The following HYDIN variants were observed in gnomAD, a reference collection of about 807,000 sequenced individuals.
HYDIN encodes HYDIN axonemal central pair apparatus protein.
HYDIN carries 132 observed loss-of-function variants against 403.9 expected under a neutral mutation model. The observed-to-expected ratio is 0.33, with a 90% confidence interval of 0.28 to 0.38. The LOEUF is 0.38. Ranked by LOEUF, HYDIN falls within the 10% of genes least tolerant of loss-of-function variation. The probability of loss-of-function intolerance (pLI) is 1.00; values close to 1 mark genes in which losing one functional copy is unlikely to be tolerated. For synonymous variants in HYDIN, 1,202 were observed against 1,891.7 expected (o/e 0.64, Z 9.46); for missense variants, 2,827 against 5,009.5 (o/e 0.56, Z 13.15).
At chr16:70,823,744 G>A (rs541267556) in intron 83 of HYDIN, among the ~76,000 whole-genome samples, 3 of 151,598 alleles carry the variant, frequency 2.0e-5, no homozygotes, top group East Asian at 1.9e-4. Context: ...TGAAGGGAAC[G>A]CTCATGCTGT....
At chr16:71,170,603 T>A (rs186497115) in intron 5 of HYDIN, among the ~76,000 whole-genome samples, 8 of 152,272 alleles carry the variant, frequency 5.3e-5, no homozygotes, top group Admixed American at 5.2e-4. Context: ...TTTTTCTTAA[T>A]TGTGAACCAT....
At chr16:70,999,067 G>A (rs1449690752) in intron 23 of HYDIN, among the ~76,000 whole-genome samples, 2 of 152,000 alleles carry the variant, frequency 1.3e-5, no homozygotes, top group African/African-American at 4.8e-5. Context: ...ATCGCTGAGA[G>A]GCTGAAACTC....
intron 69 of HYDIN, 96 bp downstream of exon 69, chr16:70,861,952 G>A (rs1427952440): frequency 8.2e-7 from 1 of 1,220,710 alleles, no homozygotes; most frequent in Non-Finnish European, 1.1e-6. Flanking sequence ...TCTAGGGCCA[G>A]AAAGGATGGT....
At chr16:71,084,956 C>T (rs1376515125) in intron 12 of HYDIN, among the ~76,000 whole-genome samples, 4 of 148,786 alleles carry the variant, frequency 2.7e-5, no homozygotes, top group Non-Finnish European at 4.5e-5. Context: ...AATCCCACTT[C>T]GTCATGGGGT....
rs187845508 is a variant in HYDIN, at chr16:70,986,566, T to C, written c.4195-1244A>G. ...ATTCAGTAATGATACATGCAGGAGC[T>C]ATGTAATGGAGATTCAATCCTCATG... On this transcript the variant is annotated intron_variant, in intron 27 of 85. Transcript: ENST00000393567. 8.1e-3 allele frequency among the ~76,000 whole-genome samples: 1,238 copies of C among 152,344 alleles called. 10 individuals carry two copies. Among genetic ancestry groups the C allele is most frequent in the Non-Finnish European group, 0.012 (791 of 68,040 alleles).
chr16:71,180,604 CAGAT>C (rs1473327844), intron 3 of HYDIN, among the ~76,000 whole-genome samples: 2 of 115,552 alleles, frequency 1.7e-5, no homozygotes, highest in African/African-American at 4.1e-5. Context: ...AAACCATAGA[CAGAT>C]AGACAGATAG....
intron 67 of HYDIN, among the ~76,000 whole-genome samples, chr16:70,865,833 T>C (rs1170229244): frequency 1.3e-5 from 2 of 152,316 alleles, no homozygotes; most frequent in African/African-American, 2.4e-5. Context: ...AGTGTGGATA[T>C]TGTCTGGGTT....
intron 18 of HYDIN, among the ~76,000 whole-genome samples, chr16:71,059,709 C>T (rs1469364620): frequency 6.6e-6 from 1 of 152,170 alleles, no homozygotes; most frequent in African/African-American, 2.4e-5. Flanking sequence ...ATAAAATAAT[C>T]TGCACACCAA....
intron 6 of HYDIN, among the ~76,000 whole-genome samples, chr16:71,156,323 G>A (rs1034791679): frequency 6.6e-6 from 1 of 152,170 alleles, no homozygotes; most frequent in Non-Finnish European, 1.5e-5. Context: ...ACTTACAGCT[G>A]CCTAACAGAT....
At chr16:71,184,735 A>C (rs2087063344) in intron 3 of HYDIN, 130 bp downstream of exon 3, 2 of 719,064 alleles carry the variant, frequency 2.8e-6, no homozygotes, top group African/African-American at 3.5e-5. Flanking sequence ...ATTCAGAGGC[A>C]GAAAAGGAGG....
intron 1 of HYDIN, among the ~76,000 whole-genome samples, chr16:71,219,249 G>C (rs1229650801): frequency 6.6e-6 from 1 of 151,942 alleles, no homozygotes; most frequent in Non-Finnish European, 1.5e-5. Flanking sequence ...AATGTTATTA[G>C]AGCAACTTTA....
chr16:71,129,870 G>A, intron 8 of HYDIN, 47 bp from the exon 9 acceptor site: 1 of 1,568,016 alleles, frequency 6.4e-7, no homozygotes, highest in Non-Finnish European at 8.7e-7. Context: ...CTCCCATGAA[G>A]AACTTTGTAA....
intron 10 of HYDIN, among the ~76,000 whole-genome samples, chr16:71,110,796 C>T (rs536628027): frequency 3.9e-4 from 52 of 132,832 alleles, no homozygotes; most frequent in South Asian, 2.0e-3. Context: ...GGACCGAAAA[C>T]AGCACGGTGT....
At chr16:70,882,535 T>C in intron 60 of HYDIN, 125 bp downstream of exon 60, 1 of 596,422 alleles carries the variant, frequency 1.7e-6, no homozygotes, top group Non-Finnish European at 3.0e-6. Context: ...TTACTTCACA[T>C]AACTTCCAGC....
intron 81 of HYDIN, among the ~76,000 whole-genome samples, chr16:70,829,361 G>A (rs1489188192): frequency 1.3e-5 from 2 of 148,882 alleles, no homozygotes; most frequent in East Asian, 2.0e-4. Flanking sequence ...AGCCTCCCAA[G>A]TAGCTGGGAT....
At chr16:70,977,115 T>A (rs541430160) in intron 30 of HYDIN, among the ~76,000 whole-genome samples, 1 of 151,826 alleles carries the variant, frequency 6.6e-6, no homozygotes, top group African/African-American at 2.4e-5. Context: ...TAGGCTTTGA[T>A]AAGGTGCAGC....
intron 29 of HYDIN, 72 bp from the exon 30 acceptor site, chr16:70,979,113 C>T (rs745336319): frequency 8.9e-5 from 116 of 1,298,764 alleles, no homozygotes; most frequent in Admixed American, 9.4e-5. Flanking sequence ...TGAATGATGT[C>T]GCAAACACAG....
At chr16:71,031,402 C>A in intron 19 of HYDIN, 1 of 1,261,814 alleles carries the variant, frequency 7.9e-7, no homozygotes. Context: ...AAATTAATCA[C>A]AGAGTAGCCA....
intron 52 of HYDIN, among the ~76,000 whole-genome samples, chr16:70,901,659 C>T (rs1445692043): frequency 1.3e-4 from 18 of 142,414 alleles, no homozygotes; most frequent in Non-Finnish European, 3.1e-5. Flanking sequence ...GATCTCGGCT[C>T]ACTGCAACCT....
Sources: gnomAD v4.1 joint callset for allele counts (sites outside exome capture counted in the v4.1 genomes callset) on GRCh38, gnomAD v4.1.1 for gene constraint, MANE v1.5 for transcripts, NCBI Gene and HGNC (gene_info 2026-07-23, HGNC 2026-07-21) for gene names.